ROR1: variants seen among roughly 807,000 people sequenced by gnomAD.
ROR1 encodes inactive tyrosine-protein kinase transmembrane receptor ROR1.
In ROR1, 19 loss-of-function variants were observed where a neutral mutation model predicts 78.8. That is an observed-to-expected ratio of 0.24 (90% CI 0.17 to 0.35). The LOEUF (loss-of-function observed/expected upper bound fraction) is 0.35. Among genes scored for constraint, ROR1 ranks in the 10% least tolerant of loss-of-function variants. The probability of loss-of-function intolerance (pLI) is 1.00; values close to 1 mark genes in which losing one functional copy is unlikely to be tolerated. For synonymous variants in ROR1, 386 were observed against 433.6 expected, an observed-to-expected ratio of 0.89 and a Z score of 1.36; for missense variants, 917 against 1,177.8, an observed-to-expected ratio of 0.78 and a Z score of 3.24.
chr1:64,049,971 C>T lies in ROR1; in HGVS notation c.444C>T (p.Val148=). 6.2e-7 allele frequency: 1 copy of T among 1,614,096 alleles called. No homozygotes were observed. The highest frequency in any genetic ancestry group is 2.2e-5 in the East Asian group (1 of 44,884). Residue 148 remains valine (V), a synonymous_variant, in exon 3 of 9, where the codon GTC becomes GTT. Transcript: ENST00000371079. The stretch of plus-strand genomic sequence containing the variant: ...TTTCTTCCACTGGAGTCTTGTTTGT[C>T]AAGTTTGGTAAGCAGACCCCTACTG... ...EVVSSTGVLF[V]KFGPPPTASP...
At chr1:64,096,546 A>G (rs1295728788) in intron 4 of ROR1, among the ~76,000 whole-genome samples, 1 of 152,182 alleles carries the variant, frequency 6.6e-6, no homozygotes, top group Non-Finnish European at 1.5e-5. Flanking sequence ...AGCTCCGTCC[A>G]TGGCCCTGCA....
At chr1:63,938,288 A>C (rs964570985) in intron 1 of ROR1, among the ~76,000 whole-genome samples, 2 of 152,212 alleles carry the variant, frequency 1.3e-5, no homozygotes, top group Non-Finnish European at 2.9e-5. Flanking sequence ...TAAAGTATAC[A>C]GGAGGATATG....
At chr1:64,067,444 C>CAAAAAAAAAAAAAAAAAAAAAAAAA (rs58105318) in intron 4 of ROR1, among the ~76,000 whole-genome samples, 1 of 57,476 alleles carries the variant, frequency 1.7e-5, no homozygotes, top group Non-Finnish European at 3.3e-5. Context: ...GCCTCCGTCT[C>CAAAAAAAAAAAAAAAAAAAAAAAAA]AAAAAAAAAA....
intron 1 of ROR1, among the ~76,000 whole-genome samples, chr1:63,850,502 TCTTTACC>T (rs1557526805): frequency 6.6e-6 from 1 of 152,264 alleles, no homozygotes; most frequent in Non-Finnish European, 1.5e-5. Flanking sequence ...TTCCCGTTGC[TCTTTACC>T]CTTTCTAACT....
intron 1 of ROR1, among the ~76,000 whole-genome samples, chr1:63,957,129 T>G (rs531852333): frequency 1.3e-5 from 2 of 152,284 alleles, no homozygotes; most frequent in East Asian, 3.9e-4. Flanking sequence ...TGGTAGAGAT[T>G]ATATGCAATG....
At chr1:64,077,664 C>T (rs1336584202) in intron 4 of ROR1, among the ~76,000 whole-genome samples, 1 of 152,260 alleles carries the variant, frequency 6.6e-6, no homozygotes, top group Admixed American at 6.5e-5. Flanking sequence ...TCACTCAAGA[C>T]CCCAAGATCC....
chr1:63,974,796 C>T (rs1646145596), intron 1 of ROR1, among the ~76,000 whole-genome samples: 1 of 152,150 alleles, frequency 6.6e-6, no homozygotes, highest in Non-Finnish European at 1.5e-5. Context: ...CACACCATCA[C>T]CACCGGCTAC....
In ROR1 at chr1:64,137,414, T is replaced by G; in HGVS notation, c.528T>G (p.Ile176Met). 6.2e-7 allele frequency: 1 copy of G among 1,614,046 alleles called. No homozygotes were observed. Among genetic ancestry groups the G allele is most frequent in the Non-Finnish European group, 8.5e-7 (1 of 1,179,900 alleles). The change falls in exon 5 of 9, where the codon ATT (isoleucine) becomes ATG (methionine). Residue 176 changes from isoleucine to methionine, a missense_variant. By Grantham distance (10) the Ile-to-Met change is conservative. Around this residue, in one of 3 missense-constraint regions of ROR1, gnomAD observed 835 missense variants for 1,069.8 expected, o/e 0.78. Coordinates refer to ENST00000371079, the MANE Select transcript of ROR1 (RefSeq NM_005012.4). ...GATTCTGTCAGCCATACAGAGGGAT[T>G]GCATGTGCAAGATTTATTGGCAACC... The part of the protein sequence containing the change: ...EDGFCQPYRG[I>M]ACARFIGNRT...
At chr1:63,822,958 C>G (rs1229891580) in intron 1 of ROR1, among the ~76,000 whole-genome samples, 4 of 151,942 alleles carry the variant, frequency 2.6e-5, no homozygotes, top group Admixed American at 6.6e-5. Flanking sequence ...ATGTATTCCC[C>G]TCTCTGTGTT....
intron 4 of ROR1, among the ~76,000 whole-genome samples, chr1:64,078,949 AAAG>A (rs1272643171): frequency 1.1e-4 from 16 of 152,192 alleles, no homozygotes; most frequent in African/African-American, 2.4e-5. Context: ...AGGAGTGTTC[AAAG>A]GAGGAGGAGG....
intron 1 of ROR1, among the ~76,000 whole-genome samples, chr1:63,776,675 G>C (rs1177021350): frequency 1.3e-5 from 2 of 152,166 alleles, no homozygotes; most frequent in Admixed American, 6.5e-5. Context: ...TTTCAGGTCT[G>C]GTTCCTAGGT....
intron 1 of ROR1, among the ~76,000 whole-genome samples, chr1:63,915,076 T>C (rs1194809154): frequency 6.6e-6 from 1 of 152,208 alleles, no homozygotes; most frequent in Non-Finnish European, 1.5e-5. Flanking sequence ...AACAACCATT[T>C]GAAGGTAGGT....
chr1:63,850,128 A>G (rs1250524672), intron 1 of ROR1, among the ~76,000 whole-genome samples: 2 of 152,186 alleles, frequency 1.3e-5, no homozygotes, highest in Admixed American at 1.3e-4. Flanking sequence ...ATAAATGGGA[A>G]CTTACTGTAC....
intron 1 of ROR1, among the ~76,000 whole-genome samples, chr1:63,786,563 C>A (rs976984202): frequency 2.5e-4 from 37 of 146,054 alleles, no homozygotes; most frequent in African/African-American, 7.4e-4. Flanking sequence ...TGAGCCACCG[C>A]GCCTGGCCTT....
chr1:64,178,302 G>A lies in ROR1; in HGVS notation c.2261G>A (p.Ser754Asn), dbSNP rs768750350. ...CTTCGGTCCTGGGAGGGACTCTCAA[G>A]TCACACAAGCTCTACTACTCCTTCA... ...VRLRSWEGLS[S>N]HTSSTTPSGG... The change falls in exon 9 of 9, where the codon AGT (serine) becomes AAT (asparagine). Residue 754 changes from serine to asparagine, a missense_variant. Transcript: ENST00000371079. This position sits in a 1 kb window ranked among gnomAD's most constrained non-coding sequence, Gnocchi z 4.3. 3 of 1,614,118 alleles carry A rather than the reference G, an allele frequency of 1.9e-6. No individual in the cohort carries two copies. Among genetic ancestry groups the A allele is most frequent in the Non-Finnish European group, 2.5e-6 (3 of 1,180,022 alleles).
At chr1:63,944,717 T>C in intron 1 of ROR1, among the ~76,000 whole-genome samples, 1 of 152,198 alleles carries the variant, frequency 6.6e-6, no homozygotes, top group East Asian at 1.9e-4. Flanking sequence ...GTGAGTGTGG[T>C]TCATGGGATG....
rs1229110557 is a variant in ROR1, at chr1:64,134,647, T to C, written c.483-2722T>C. Among the ~76,000 whole-genome samples the C allele has an allele frequency of 3.9e-5, 6 of 152,212 alleles. No homozygotes were observed. The East Asian group carries it at 9.7e-4, about 25-fold the overall frequency. ...ATCACCTGATAGGTTTCTTTAAGCA[T>C]AGATACCTAAGCCTCATCCCCAGAG... On this transcript the variant is annotated intron_variant, in intron 4 of 8. Transcript: ENST00000371079.
At chr1:63,887,622 A>T (rs935634212) in intron 1 of ROR1, among the ~76,000 whole-genome samples, 2 of 152,156 alleles carry the variant, frequency 1.3e-5, no homozygotes, top group Non-Finnish European at 2.9e-5. Context: ...ACCATAGTTT[A>T]TACACAGGGT....
intron 1 of ROR1, among the ~76,000 whole-genome samples, chr1:63,871,125 C>A (rs546739151): frequency 6.6e-6 from 1 of 152,162 alleles, no homozygotes; most frequent in Non-Finnish European, 1.5e-5. Flanking sequence ...GTTGTTATTT[C>A]CTGCTTCACA....
Sources: allele counts gnomAD v4.1 joint callset (sites outside exome capture counted in the v4.1 genomes callset), GRCh38; gene constraint gnomAD v4.1.1; regional missense constraint gnomAD v4.1.1; non-coding constraint Gnocchi (gnomAD v3.1); transcripts MANE v1.5; gene names NCBI Gene and HGNC (gene_info 2026-07-23, HGNC 2026-07-21).